Variants in SCFD2 observed in about 807,000 individuals in gnomAD.
The protein encoded by SCFD2 is sec1 family domain-containing protein 2.
Under a neutral mutation model 58.9 loss-of-function variants are expected in SCFD2, and 54 were observed. That is an observed-to-expected ratio of 0.92 (90% CI 0.74 to 1.15). SCFD2 has a LOEUF of 1.15. Ranked by LOEUF, SCFD2 falls within the 50% of genes most tolerant of loss-of-function variation. The pLI, the probability that SCFD2 is intolerant of heterozygous loss-of-function variation, is 0.00. For synonymous variants in SCFD2, 321 were observed against 335.9 expected, an observed-to-expected ratio of 0.96 and a Z score of 0.49; for missense variants, 805 against 836.6, an observed-to-expected ratio of 0.96 and a Z score of 0.47.
chr4:53,112,241 T>G (rs901190947), intron 5 of SCFD2, among the ~76,000 whole-genome samples: 15 of 152,140 alleles, frequency 9.9e-5, no homozygotes, highest in African/African-American at 3.6e-4. Flanking sequence ...GAAAAGAGAA[T>G]GAAAGGTGGA....
rs138371887 is a variant in SCFD2 at position 52,898,711 on chromosome 4, G to T, written c.1842+8746C>A. 5.7e-3 allele frequency among the ~76,000 whole-genome samples: 874 copies of T among 152,144 alleles called. 9 individuals are homozygous for T. Among genetic ancestry groups the T allele is most frequent in the African/African-American group, 0.019 (805 of 41,510 alleles). ...GAGTTCAATTCCTGGATATCCTTGT[G>T]AATTTTCTGTCTTGTTGATCTGTCT... On this transcript the variant is annotated intron_variant, in intron 7 of 8. Transcript: ENST00000401642.
Position 53,216,692 on chromosome 4 carries a change from T to G in SCFD2, c.1311+57134A>C, listed in dbSNP as rs1728851050. Among the ~76,000 whole-genome samples, 3 of 152,188 alleles carry G rather than the reference T, an allele frequency of 2.0e-5. No homozygotes were observed. The South Asian group carries it at 6.2e-4, about 32-fold the overall frequency. ...GTTATTTCTCGCCTTCTGCTAGCTTTTGAATGTGTTTGCTCTTGCTTCTCT... is the reference window on the plus strand; with the variant it reads ...GTTATTTCTCGCCTTCTGCTAGCTTGTGAATGTGTTTGCTCTTGCTTCTCT... On this transcript the variant is annotated intron_variant, in intron 4 of 8. Transcript: ENST00000401642.
intron 1 of SCFD2, 120 bp downstream of exon 1, chr4:53,364,984 G>T: frequency 4.1e-6 from 5 of 1,213,584 alleles, no homozygotes; most frequent in Non-Finnish European, 4.6e-6. Context: ...TGTCCATCTA[G>T]TTCATCTTTG....
At chr4:53,363,240 A>T (rs1422209439) in intron 1 of SCFD2, among the ~76,000 whole-genome samples, 1 of 151,666 alleles carries the variant, frequency 6.6e-6, no homozygotes, top group African/African-American at 2.4e-5. Context: ...GGCTCAAGTT[A>T]TCCTCCACCT....
intron 3 of SCFD2, among the ~76,000 whole-genome samples, chr4:53,302,236 A>G (rs1732335958): frequency 1.3e-5 from 2 of 152,242 alleles, no homozygotes; most frequent in African/African-American, 4.8e-5. Flanking sequence ...TTCAGCTGAT[A>G]AGCAACTTCA....
At chr4:53,073,392 T>C (rs1723880015) in intron 5 of SCFD2, among the ~76,000 whole-genome samples, 1 of 152,148 alleles carries the variant, frequency 6.6e-6, no homozygotes, top group South Asian at 2.1e-4. Flanking sequence ...ACTTTTTCAC[T>C]TTCTATTGCT....
chr4:52,982,712 T>A (rs1186975760), intron 5 of SCFD2, among the ~76,000 whole-genome samples: 1 of 152,196 alleles, frequency 6.6e-6, no homozygotes, highest in Non-Finnish European at 1.5e-5. Flanking sequence ...CTGATACTGT[T>A]TTGAAGCATG....
At position 53,250,507 on chromosome 4, in the gene SCFD2, C is replaced by T. The variant is rs531792935; in HGVS notation, c.1311+23319G>A. Among the ~76,000 whole-genome samples the T allele has an allele frequency of 7.2e-5, 11 of 152,238 alleles. No individual in the cohort carries two copies. In the South Asian group the frequency reaches 2.3e-3, roughly 32 times the overall value. On this transcript the variant is annotated intron_variant, in intron 4 of 8. Coordinates refer to ENST00000401642, the MANE Select transcript of SCFD2 (RefSeq NM_152540.4). The stretch of plus-strand genomic sequence containing the variant: ...AATCAACAGAATATAAAGCTCTCCT[C>T]AGCAAATGTAAAAGAACAGAAATTA...
chr4:53,221,442 TATTAA>T (rs1729044781), intron 4 of SCFD2, among the ~76,000 whole-genome samples: 1 of 152,178 alleles, frequency 6.6e-6, no homozygotes, highest in South Asian at 2.1e-4. Flanking sequence ...AAAACTGTAA[TATTAA>T]ATTAAAACCC....
At chr4:53,018,325 G>A (rs1560511443) in intron 5 of SCFD2, among the ~76,000 whole-genome samples, 1 of 152,124 alleles carries the variant, frequency 6.6e-6, no homozygotes, top group Non-Finnish European at 1.5e-5. Context: ...TTACTAAAAT[G>A]GAAAAGGAAT....
Position 53,328,887 on chromosome 4 carries a change from C to T in SCFD2, c.1008-15124G>A, listed in dbSNP as rs144132660. 9.7e-3 allele frequency among the ~76,000 whole-genome samples: 1,468 copies of T among 152,118 alleles called. 18 individuals are homozygous for T. The highest frequency in any genetic ancestry group is 0.033 in the African/African-American group (1,366 of 41,494). On this transcript the variant is annotated intron_variant, in intron 2 of 8. Coordinates refer to ENST00000401642, the MANE Select transcript of SCFD2 (RefSeq NM_152540.4). ...CAGTGGGCGCAGGTCAGTGGGTGCG[C>T]GCACCATGCGCGAGCCGAAGCAGGG...
intron 4 of SCFD2, among the ~76,000 whole-genome samples, chr4:53,196,419 A>G (rs905263007): frequency 1.4e-4 from 21 of 152,298 alleles, no homozygotes; most frequent in African/African-American, 4.3e-4. Flanking sequence ...TGTAATGTTT[A>G]TATAAGTGGA....
At position 53,083,470 on chromosome 4, in the gene SCFD2, T is replaced by C. The variant is rs6847033; in HGVS notation, c.1561+61863A>G. ...TTCTGTGAGGTCACTATTACCCTGATACCAAAACCAGACAATCACACATGA... is the reference window on the plus strand; with the variant it reads ...TTCTGTGAGGTCACTATTACCCTGACACCAAAACCAGACAATCACACATGA... On this transcript the variant is annotated intron_variant, in intron 5 of 8. Transcript: ENST00000401642. Among the ~76,000 whole-genome samples the C allele has an allele frequency of 8.3e-3, 1,262 of 152,288 alleles. 12 individuals carry two copies. Among genetic ancestry groups the C allele is most frequent in the African/African-American group, 0.029 (1,199 of 41,568 alleles).
intron 3 of SCFD2, among the ~76,000 whole-genome samples, chr4:53,302,101 G>T (rs1167912882): frequency 6.6e-6 from 1 of 152,130 alleles, no homozygotes; most frequent in Non-Finnish European, 1.5e-5. Context: ...GTTCTGGCCA[G>T]GGCAATCAGG....
At chr4:52,941,825 G>A (rs1175630994) in intron 5 of SCFD2, among the ~76,000 whole-genome samples, 2 of 152,128 alleles carry the variant, frequency 1.3e-5, no homozygotes, top group Non-Finnish European at 2.9e-5. Context: ...AAAATGCTTC[G>A]GACCAGAAGT....
chr4:53,021,008 AT>A (rs2086981016), intron 5 of SCFD2, among the ~76,000 whole-genome samples: 1 of 152,238 alleles, frequency 6.6e-6, no homozygotes. Flanking sequence ...TGTGCAAGCC[AT>A]CATCGAAGTG....
At chr4:53,355,817 A>T (rs989724024) in intron 1 of SCFD2, among the ~76,000 whole-genome samples, 16 of 152,156 alleles carry the variant, frequency 1.1e-4, no homozygotes, top group Admixed American at 7.2e-4. Context: ...GGCCCATTGC[A>T]CTTGCCATTC....
intron 5 of SCFD2, among the ~76,000 whole-genome samples, chr4:52,923,385 T>C (rs1295772182): frequency 6.6e-6 from 1 of 151,652 alleles, no homozygotes; most frequent in Non-Finnish European, 1.5e-5. Flanking sequence ...GGCTGAGGAA[T>C]GAGAATTGCT....
At chr4:53,236,737 TA>T (rs1180264942) in intron 4 of SCFD2, among the ~76,000 whole-genome samples, 1 of 150,878 alleles carries the variant, frequency 6.6e-6, no homozygotes, top group Non-Finnish European at 1.5e-5. Context: ...TATATTGCTT[TA>T]AAAATAATAA....
Sources: gnomAD v4.1 joint callset for allele counts (sites outside exome capture counted in the v4.1 genomes callset) on GRCh38, gnomAD v4.1.1 for gene constraint, MANE v1.5 for transcripts, NCBI Gene and HGNC (gene_info 2026-07-23, HGNC 2026-07-21) for gene names.